Variants in CR1 observed in about 807,000 individuals in gnomAD.
The protein encoded by CR1 is complement C3b/C4b receptor 1 (Knops blood group).
Under a neutral mutation model 187.3 loss-of-function variants are expected in CR1, and 116 were observed. The ratio of observed to expected loss-of-function variants is 0.62; its 90% CI spans 0.53 to 0.72. The LOEUF is 0.72. Ranked by LOEUF, CR1 falls within the 30% of genes least tolerant of loss-of-function variation. The pLI is 0.00. For missense variants in CR1, 1,731 were observed against 2,110.7 expected, an observed-to-expected ratio of 0.82 and a Z score of 3.52; for synonymous variants, 576 against 747.1, an observed-to-expected ratio of 0.77 and a Z score of 3.73.
intron 35 of CR1, among the ~76,000 whole-genome samples, chr1:207,605,254 T>C (rs1173916419): frequency 8.6e-6 from 1 of 116,166 alleles, no homozygotes; most frequent in Non-Finnish European, 1.8e-5. Flanking sequence ...ATCCAGACCC[T>C]GTCAAAAAAA....
chr1:207,500,673 A>G (rs1306682808), intron 1 of CR1, among the ~76,000 whole-genome samples: 1 of 152,222 alleles, frequency 6.6e-6, no homozygotes, highest in African/African-American at 2.4e-5. Context: ...ATATACTGCT[A>G]TTTGGCAGGT....
rs1390460990 is a variant in CR1 at position 207,515,324 on chromosome 1, A to ATG, written c.487+3671_487+3672insGT. Among the ~76,000 whole-genome samples, 5 of 150,226 alleles carry ATG rather than the reference A, an allele frequency of 3.3e-5. No homozygotes were observed. In the East Asian group the frequency reaches 9.7e-4, roughly 29 times the overall value. On this transcript the variant is annotated intron_variant, in intron 4 of 46. Coordinates refer to ENST00000367049, the MANE Select transcript of CR1 (RefSeq NM_000651.6). The stretch of plus-strand genomic sequence containing the variant: ...ACACACTATATATATATACACATAT[A>ATG]TATAGTGTGTATATATGCACACATC...
intron 3 of CR1, among the ~76,000 whole-genome samples, chr1:207,509,950 G>A (rs1659562534): frequency 6.6e-6 from 1 of 152,214 alleles, no homozygotes; most frequent in Non-Finnish European, 1.5e-5. Flanking sequence ...TGTGCTGGCT[G>A]TAATCCCAGC....
chr1:207,504,387 T>C (rs540468342), intron 1 of CR1, among the ~76,000 whole-genome samples: 29 of 152,284 alleles, frequency 1.9e-4, no homozygotes, highest in Non-Finnish European at 3.1e-4. Flanking sequence ...CCATAAAATA[T>C]AGCAATTTAA....
chr1:207,573,637 A>T (rs2985107), intron 27 of CR1, among the ~76,000 whole-genome samples: 10,663 of 151,942 alleles, frequency 0.07, 1,270 homozygotes, highest in African/African-American at 0.24. Context: ...TTGTAACAAG[A>T]TTCAATTGTA....
At chr1:207,633,198 A>G (rs1261926549) in intron 46 of CR1, among the ~76,000 whole-genome samples, 1 of 152,232 alleles carries the variant, frequency 6.6e-6, no homozygotes, top group Non-Finnish European at 1.5e-5. Context: ...AAACAACTCT[A>G]GTCCAAAATG....
intron 24 of CR1, among the ~76,000 whole-genome samples, chr1:207,566,224 G>C (rs1660492048): frequency 6.7e-6 from 1 of 149,840 alleles, no homozygotes; most frequent in African/African-American, 2.5e-5. Flanking sequence ...TCTTTCTCTA[G>C]TTTTTTCTTT....
chr1:207,497,902 T>C (rs1023293645), intron 1 of CR1, among the ~76,000 whole-genome samples: 2 of 152,234 alleles, frequency 1.3e-5, no homozygotes, highest in African/African-American at 4.8e-5. Context: ...TTTAAAATGC[T>C]GATGGATGCT....
At chr1:207,635,146 G>A (rs1662774024) in intron 46 of CR1, among the ~76,000 whole-genome samples, 2 of 152,242 alleles carry the variant, frequency 1.3e-5, no homozygotes, top group African/African-American at 2.4e-5. Flanking sequence ...ACCTGTGGAT[G>A]TTTCTCATTA....
intron 4 of CR1, among the ~76,000 whole-genome samples, chr1:207,517,095 A>G (rs1384835902): frequency 1.3e-5 from 2 of 152,118 alleles, no homozygotes; most frequent in East Asian, 3.8e-4. Flanking sequence ...TCTAATTACT[A>G]AAAGATTTAT....
intron 3 of CR1, 87 bp downstream of exon 3, chr1:207,506,900 C>A (rs1163538079): frequency 1.2e-5 from 13 of 1,068,032 alleles, no homozygotes; most frequent in African/African-American, 1.6e-5. Flanking sequence ...TCAGAAAGGA[C>A]AACTAAACTA....
At chr1:207,616,499 C>A in intron 40 of CR1, 76 bp from the exon 41 acceptor site, 1 of 1,471,936 alleles carries the variant, frequency 6.8e-7, no homozygotes, top group Non-Finnish European at 9.3e-7. Context: ...TTTAAGCGCA[C>A]AGTCACAGGT....
Position 207,587,412 on chromosome 1 carries a change from C to A in CR1, c.5557C>A (p.Pro1853Thr), listed in dbSNP as rs1041763191. The change falls in exon 34 of 47, where the codon CCA becomes ACA. Residue 1853 changes from proline (P) to threonine (T), a missense_variant. Physicochemically the swap from Pro to Thr is conservative, Grantham distance 38 (BLOSUM62 -1). This residue lies in a region of CR1 where 1,312 missense variants were observed against 1,379.6 expected (regional missense o/e 0.95). Transcript: ENST00000367049. ...TCACTGTAAAACCCCAGAGCAGTTT[C>A]CATTTGCCAGTCCTACGATCCCAAT... Reference protein sequence around the residue: ...AGHCKTPEQFPFASPTIPIND... With the variant: ...AGHCKTPEQFTFASPTIPIND... 3.1e-6 allele frequency: 5 copies of A among 1,613,572 alleles called. No homozygotes were observed. Among genetic ancestry groups the A allele is most frequent in the African/African-American group, 2.7e-5 (2 of 74,930 alleles).
At chr1:207,617,312 C>G (rs1662128347) in intron 41 of CR1, among the ~76,000 whole-genome samples, 1 of 150,798 alleles carries the variant, frequency 6.6e-6, no homozygotes, top group African/African-American at 2.4e-5. Flanking sequence ...AAGCCACTGA[C>G]TATGTTTGTT....
intron 33 of CR1, among the ~76,000 whole-genome samples, chr1:207,586,641 T>C (rs1661119835): frequency 6.6e-6 from 1 of 152,232 alleles, no homozygotes; most frequent in African/African-American, 2.4e-5. Context: ...ACCAATTCTT[T>C]ACTTCTTCCA....
chr1:207,513,998 A>T (rs770977219), intron 4 of CR1, among the ~76,000 whole-genome samples: 3 of 152,096 alleles, frequency 2.0e-5, no homozygotes, highest in Non-Finnish European at 4.4e-5. Flanking sequence ...TAAGGAAATT[A>T]TCTTATATAT....
At chr1:207,617,592 TATATATATATATATATATATAGAGAGAG>T (rs1362359463) in intron 41 of CR1, among the ~76,000 whole-genome samples, 280 of 36,382 alleles carry the variant, frequency 7.7e-3, no homozygotes, top group East Asian at 0.029. Flanking sequence ...TATATATATA[TATATATATATATATATATATAGAGAGAG>T]AGAGAGAGAG....
At chr1:207,613,822 T>C (rs1662014115) in intron 39 of CR1, among the ~76,000 whole-genome samples, 2 of 152,170 alleles carry the variant, frequency 1.3e-5, no homozygotes, top group Non-Finnish European at 1.5e-5. Flanking sequence ...AGTTGGGCAT[T>C]TTGGGGTGCA....
chr1:207,575,556 G>T, intron 27 of CR1, 39 bp from the exon 28 acceptor site: 1 of 1,611,510 alleles, frequency 6.2e-7, no homozygotes, highest in Non-Finnish European at 8.5e-7. Context: ...AGTTGATGAG[G>T]TATGTACAGG....
Sources: allele counts gnomAD v4.1 joint callset (sites outside exome capture counted in the v4.1 genomes callset), GRCh38; gene constraint gnomAD v4.1.1; regional missense constraint gnomAD v4.1.1; transcripts MANE v1.5; gene names NCBI Gene and HGNC (gene_info 2026-07-23, HGNC 2026-07-21).